Variants in LRCH1 observed in about 807,000 individuals in gnomAD.
The protein encoded by LRCH1 is leucine-rich repeat and calponin homology domain-containing protein 1.
LRCH1 carries 23 observed loss-of-function variants against 94.9 expected under a neutral mutation model. The observed-to-expected ratio is 0.24, with a 90% CI of 0.17 to 0.34. The LOEUF (loss-of-function observed/expected upper bound fraction) is 0.34. Among genes scored for constraint, LRCH1 ranks in the 10% least tolerant of loss-of-function variants. LRCH1 has a pLI of 1.00. For missense variants in LRCH1, 790 were observed against 945.9 expected (o/e 0.84, Z 2.16); for synonymous variants, 364 against 354.9 (o/e 1.03, Z -0.29).
rs746078494 is a variant in LRCH1, at chr13:46,723,304, A to G, written c.1843A>G (p.Lys615Glu). The change falls in exon 17 of 20, where the codon AAA becomes GAA. Residue 615 changes from lysine to glutamate, a missense_variant. Transcript: ENST00000389797. ...RRKMEQMREE[K>E]ELVEQLRESI... is the part of the protein sequence containing the mutation. ...GAAAATGGAGCAGATGAGAGAAGAG[A>G]AAGAGCTGGTGGAACAACTTCGTGA... The G allele has an allele frequency of 6.2e-7, 1 of 1,613,212 alleles. No homozygotes were observed. Among genetic ancestry groups the G allele is most frequent in the Non-Finnish European group, 8.5e-7 (1 of 1,179,176 alleles).
intron 1 of LRCH1, among the ~76,000 whole-genome samples, chr13:46,621,591 A>G (rs950042275): frequency 2.0e-5 from 3 of 152,206 alleles, no homozygotes; most frequent in African/African-American, 7.2e-5. Flanking sequence ...AGTCTAGGTG[A>G]GTCAGGAAGG....
At chr13:46,621,759 A>G (rs2050882520) in intron 1 of LRCH1, among the ~76,000 whole-genome samples, 1 of 152,238 alleles carries the variant, frequency 6.6e-6, no homozygotes, top group South Asian at 2.1e-4. Flanking sequence ...TAAGAGAGTT[A>G]GTAGCTTCAT....
At chr13:46,557,693 A>G (rs573705532) in intron 1 of LRCH1, among the ~76,000 whole-genome samples, 2 of 151,958 alleles carry the variant, frequency 1.3e-5, no homozygotes, top group African/African-American at 4.8e-5. Context: ...AAATACAAAC[A>G]TTAGCCGGGC....
At chr13:46,627,944 C>G (rs1307345406) in intron 1 of LRCH1, among the ~76,000 whole-genome samples, 1 of 152,062 alleles carries the variant, frequency 6.6e-6, no homozygotes, top group Non-Finnish European at 1.5e-5. Context: ...ACCTCATGTT[C>G]TACAAAATCA....
chr13:46,612,254 A>G (rs1191748843), intron 1 of LRCH1, among the ~76,000 whole-genome samples: 7 of 152,232 alleles, frequency 4.6e-5, no homozygotes, highest in East Asian at 1.9e-4. Context: ...TAGTTATGCA[A>G]TGAAATAAAA....
In LRCH1 at chr13:46,650,184, C is replaced by A; in HGVS notation, c.308-17C>A. Reference sequence around the variant, plus strand: ...GTTCAAATTTTGTTGAGAAAATATTCTCTCCTTTTCTTATAGACTTATCTA... The same window carrying A: ...GTTCAAATTTTGTTGAGAAAATATTATCTCCTTTTCTTATAGACTTATCTA... On this transcript the variant is annotated splice_polypyrimidine_tract_variant and intron_variant, in intron 1 of 19. Transcript: ENST00000389797. 1 of 1,580,254 alleles carries A rather than the reference C, an allele frequency of 6.3e-7. No individual in the cohort carries two copies. The highest frequency in any genetic ancestry group is 2.3e-5 in the East Asian group (1 of 44,370).
At chr13:46,652,023 G>T (rs35383971) in intron 2 of LRCH1, among the ~76,000 whole-genome samples, 43,826 of 81,214 alleles carry the variant, frequency 0.54, 13,274 homozygotes, top group South Asian at 0.64. Flanking sequence ...AAGTAGCTGG[G>T]ACTACAGGCG....
At position 46,741,984 on chromosome 13, in the gene LRCH1, A is replaced by G; in HGVS notation, c.*136A>G. On this transcript the variant is annotated 3_prime_UTR_variant, in exon 20 of 20. Coordinates refer to ENST00000389797, the MANE Select transcript of LRCH1 (RefSeq NM_001164211.2). ...TATCTCTCGAGTTTTGAAGCTGAAC[A>G]GTAGCAAATCAGATTTTCCAGAAGC... 6.6e-7 allele frequency: 1 copy of G among 1,514,566 alleles called. No individual in the cohort carries two copies. The highest frequency in any genetic ancestry group is 8.8e-7 in the Non-Finnish European group (1 of 1,139,028). 93.8% of individuals were successfully genotyped at this position (1,514,566 alleles called of 1,614,324 possible). A position where few individuals can be genotyped will look rare whatever the true frequency, so the allele number is the denominator to read the frequency against.
chr13:46,575,028 T>C (rs1463095013), intron 1 of LRCH1, among the ~76,000 whole-genome samples: 1 of 152,152 alleles, frequency 6.6e-6, no homozygotes, highest in Non-Finnish European at 1.5e-5. Flanking sequence ...TCCAATCCTT[T>C]TGATCAATGG....
chr13:46,687,246 A>C (rs1870668652), intron 5 of LRCH1, among the ~76,000 whole-genome samples: 1 of 152,178 alleles, frequency 6.6e-6, no homozygotes, highest in African/African-American at 2.4e-5. Context: ...GGCGTGAGCC[A>C]CTGCTCCCAA....
intron 1 of LRCH1, among the ~76,000 whole-genome samples, chr13:46,577,333 A>G (rs930602859): frequency 6.6e-6 from 1 of 152,064 alleles, no homozygotes; most frequent in African/African-American, 2.4e-5. Context: ...CCTGACCTCA[A>G]GTGATCCACC....
At position 46,648,076 on chromosome 13, in the gene LRCH1, CA is replaced by C. The variant is rs376529702; in HGVS notation, c.308-2124del. On this transcript the variant is annotated intron_variant, in intron 1 of 19. Transcript: ENST00000389797. Reference sequence around the variant, plus strand: ...AATAATTATATAACTCACCATAATACAGAATCAATGGCAGCCCTGACCTTGT... The same window carrying C: ...AATAATTATATAACTCACCATAATACGAATCAATGGCAGCCCTGACCTTGT... Among the ~76,000 whole-genome samples, 1,028 of 152,226 alleles carry C rather than the reference CA, an allele frequency of 6.8e-3. 7 individuals are homozygous for C. Among genetic ancestry groups the C allele is most frequent in the South Asian group, 0.019 (91 of 4,824 alleles).
intron 1 of LRCH1, among the ~76,000 whole-genome samples, chr13:46,632,902 G>C (rs1046920286): frequency 6.6e-6 from 1 of 152,128 alleles, no homozygotes; most frequent in African/African-American, 2.4e-5. Context: ...TTCTATTGTA[G>C]TTTCTGGTAA....
At chr13:46,654,000 A>G (rs2051340002) in intron 2 of LRCH1, among the ~76,000 whole-genome samples, 1 of 152,258 alleles carries the variant, frequency 6.6e-6, no homozygotes, top group African/African-American at 2.4e-5. Context: ...TGAGATATTT[A>G]TCAGATTTGA....
Position 46,553,663 on chromosome 13 carries a change from C to T in LRCH1, c.267C>T (p.Thr89=), listed in dbSNP as rs1594238581. The T allele has an allele frequency of 6.2e-7, 1 of 1,609,444 alleles. No individual in the cohort carries two copies. The highest frequency in any genetic ancestry group is 8.5e-7 in the Non-Finnish European group (1 of 1,178,842). ...GGAAATTGAAGGAATTTCCCCGTAC[C>T]GCAGCCCCCGGGCACGACCTCTCGG... The part of the protein sequence containing the change: ...SARKLKEFPR[T]AAPGHDLSDT... The change falls in exon 1 of 20, where the codon ACC becomes ACT. Residue 89 remains threonine (T), a synonymous_variant. Coordinates refer to ENST00000389797, the MANE Select transcript of LRCH1 (RefSeq NM_001164211.2).
intron 3 of LRCH1, among the ~76,000 whole-genome samples, chr13:46,670,343 G>A (rs1380672646): frequency 6.6e-6 from 1 of 152,178 alleles, no homozygotes; most frequent in Non-Finnish European, 1.5e-5. Context: ...GAGTGACTAG[G>A]ACAAGACACT....
At chr13:46,605,191 C>T (rs750771047) in intron 1 of LRCH1, among the ~76,000 whole-genome samples, 9 of 152,150 alleles carry the variant, frequency 5.9e-5, no homozygotes, top group African/African-American at 1.9e-4. Flanking sequence ...TAAGGAAAGT[C>T]GGATTGACAT....
chr13:46,733,586 C>T (rs754700109), intron 18 of LRCH1, among the ~76,000 whole-genome samples: 99 of 151,860 alleles, frequency 6.5e-4, no homozygotes, highest in Non-Finnish European at 1.2e-3. Flanking sequence ...TACATATATA[C>T]ATATGTATGC....
chr13:46,699,273 GT>G, intron 9 of LRCH1, 62 bp from the exon 10 acceptor site: 1 of 1,336,804 alleles, frequency 7.5e-7, no homozygotes, highest in South Asian at 1.2e-5. Flanking sequence ...GGCTGGGCAG[GT>G]TTTGGCTCCT....
Sources: gnomAD v4.1 joint callset for allele counts (sites outside exome capture counted in the v4.1 genomes callset) on GRCh38, gnomAD v4.1.1 for gene constraint, MANE v1.5 for transcripts, NCBI Gene and HGNC (gene_info 2026-07-23, HGNC 2026-07-21) for gene names.